ISM1: variants seen among roughly 807,000 people sequenced by gnomAD.
ISM1 encodes isthmin-1.
ISM1 carries 25 observed loss-of-function variants against 46.3 expected under a neutral mutation model. The observed-to-expected ratio is 0.54, with a 90% CI of 0.39 to 0.75. The LOEUF is 0.75. Among genes scored for constraint, ISM1 ranks in the 30% least tolerant of loss-of-function variants. ISM1 has a pLI of 0.00. For missense variants in ISM1, 536 were observed against 625.4 expected (o/e 0.86, Z 1.52); for synonymous variants, 255 against 256.7 (o/e 0.99, Z 0.06).
At chr20:13,228,791 A>G (rs905055332) in intron 1 of ISM1, among the ~76,000 whole-genome samples, 2 of 152,178 alleles carry the variant, frequency 1.3e-5, no homozygotes, top group South Asian at 4.1e-4. Context: ...TAACATTGAG[A>G]TTTCAAGATC....
chr20:13,247,863 T>C (rs1239694790), intron 1 of ISM1, among the ~76,000 whole-genome samples: 1 of 152,152 alleles, frequency 6.6e-6, no homozygotes, highest in Non-Finnish European at 1.5e-5. Context: ...TATCCCAGTG[T>C]GATGTGTGTG....
chr20:13,288,742 T>C (rs1227175669), intron 4 of ISM1, 59 bp downstream of exon 4: 2 of 1,513,516 alleles, frequency 1.3e-6, no homozygotes, highest in Non-Finnish European at 1.8e-6. Context: ...AATTTATCAT[T>C]AAAAACTTAG....
chr20:13,285,999 T>C (rs1454504067), intron 3 of ISM1, among the ~76,000 whole-genome samples: 2 of 152,206 alleles, frequency 1.3e-5, no homozygotes, highest in Non-Finnish European at 1.5e-5. Context: ...CATTGGGTTA[T>C]GTCTTATGCT....
At chr20:13,284,810 C>T (rs917770806) in intron 3 of ISM1, among the ~76,000 whole-genome samples, 2 of 151,922 alleles carry the variant, frequency 1.3e-5, no homozygotes, top group African/African-American at 4.8e-5. Flanking sequence ...CTTTGGGGGA[C>T]CCATATGAAA....
chr20:13,295,143 C>G (rs1484809262), intron 5 of ISM1, among the ~76,000 whole-genome samples: 1 of 152,178 alleles, frequency 6.6e-6, no homozygotes, highest in Non-Finnish European at 1.5e-5. Flanking sequence ...CTGATGTCTT[C>G]CTCTCTTTAC....
chr20:13,298,415 C>G (rs1007326747), intron 5 of ISM1, among the ~76,000 whole-genome samples: 1 of 152,156 alleles, frequency 6.6e-6, no homozygotes, highest in African/African-American at 2.4e-5. Context: ...CGTGCCTGGC[C>G]TCATCACTTA....
At chr20:13,274,493 T>C (rs1413924662) in intron 2 of ISM1, among the ~76,000 whole-genome samples, 1 of 152,196 alleles carries the variant, frequency 6.6e-6, no homozygotes, top group African/African-American at 2.4e-5. Context: ...TCTCCCTAGC[T>C]GGAGCCTGGG....
intron 1 of ISM1, among the ~76,000 whole-genome samples, chr20:13,247,520 GTGTGTGTGTGTGTGT>G (rs2039811978): frequency 1.2e-5 from 1 of 85,324 alleles, no homozygotes; most frequent in Non-Finnish European, 2.3e-5. Context: ...AGTGAGGGGT[GTGTGTGTGTGTGTGT>G]GTGTGTGTGT....
chr20:13,289,450 T>C (rs1568688265), intron 4 of ISM1, among the ~76,000 whole-genome samples: 1 of 152,218 alleles, frequency 6.6e-6, no homozygotes, highest in Non-Finnish European at 1.5e-5. Context: ...TTGTCAGTGC[T>C]TCAAAAACTA....
chr20:13,226,414 A>AT (rs879620571), intron 1 of ISM1, among the ~76,000 whole-genome samples: 65 of 148,292 alleles, frequency 4.4e-4, no homozygotes, highest in South Asian at 6.4e-4. Context: ...TTTTACTGGA[A>AT]TTTTTTTTTT....
intron 1 of ISM1, among the ~76,000 whole-genome samples, chr20:13,235,484 C>G (rs2039637152): frequency 6.6e-6 from 1 of 152,146 alleles, no homozygotes; most frequent in Non-Finnish European, 1.5e-5. Flanking sequence ...TTAACATCAC[C>G]AGGGCTGTGT....
At chr20:13,272,509 G>A (rs942895120) in intron 2 of ISM1, among the ~76,000 whole-genome samples, 8 of 152,232 alleles carry the variant, frequency 5.3e-5, no homozygotes, top group African/African-American at 1.9e-4. Context: ...GAAAAGCACT[G>A]TGTCCCAAGG....
chr20:13,288,777 A>C (rs2040321316), intron 4 of ISM1, 94 bp downstream of exon 4: 1 of 1,308,504 alleles, frequency 7.6e-7, no homozygotes, highest in East Asian at 2.3e-5. Context: ...TAAAAGATGC[A>C]CTACTTTTCT....
chr20:13,232,414 G>T (rs1171717297), intron 1 of ISM1, among the ~76,000 whole-genome samples: 1 of 152,212 alleles, frequency 6.6e-6, no homozygotes, highest in Non-Finnish European at 1.5e-5. Context: ...GCATAGCATT[G>T]CATGATATGG....
intron 1 of ISM1, among the ~76,000 whole-genome samples, chr20:13,222,920 T>C (rs1204281458): frequency 1.3e-5 from 2 of 152,126 alleles, no homozygotes; most frequent in Non-Finnish European, 2.9e-5. Flanking sequence ...CCCAGCACTT[T>C]AGCAGGCAGA....
At chr20:13,322,960 G>A in the ISM1 span, among the ~76,000 whole-genome samples, 1 of 152,162 alleles carries the variant, frequency 6.6e-6, no homozygotes, top group African/African-American at 2.4e-5. Context: ...AAGAGTCCCT[G>A]GGATTACTGT....
chr20:13,250,354 CG>C (rs1288401044), intron 1 of ISM1, among the ~76,000 whole-genome samples: 2 of 152,112 alleles, frequency 1.3e-5, no homozygotes, highest in African/African-American at 4.8e-5. Context: ...GGCTCAGAGT[CG>C]ATTCAGCTTG....
At chr20:13,292,980 A>T (rs2040369000) in intron 5 of ISM1, among the ~76,000 whole-genome samples, 1 of 151,956 alleles carries the variant, frequency 6.6e-6, no homozygotes, top group African/African-American at 2.4e-5. Flanking sequence ...GCAGATCACG[A>T]GGTCAGGAGA....
chr20:13,233,759 T>C (rs1035231574), intron 1 of ISM1, among the ~76,000 whole-genome samples: 5 of 152,170 alleles, frequency 3.3e-5, no homozygotes, highest in African/African-American at 1.2e-4. Flanking sequence ...ACTGTCCTTC[T>C]CTTACACATA....
Sources: allele counts gnomAD v4.1 joint callset (sites outside exome capture counted in the v4.1 genomes callset), GRCh38; gene constraint gnomAD v4.1.1; transcripts MANE v1.5; gene names NCBI Gene and HGNC (gene_info 2026-07-23, HGNC 2026-07-21).